The following SLC14A2 variants were observed in gnomAD, a reference collection of about 807,000 sequenced individuals.
The protein encoded by SLC14A2 is urea transporter 2.
In SLC14A2, 91 loss-of-function variants were observed where a neutral mutation model predicts 104.6. The observed-to-expected ratio is 0.87, with a 90% confidence interval of 0.73 to 1.04. SLC14A2 has a LOEUF of 1.04. SLC14A2 is among the 50% of genes least tolerant of loss of function. The pLI is 0.00. For missense variants in SLC14A2, 1,189 were observed against 1,156.0 expected (o/e 1.03, Z -0.41); for synonymous variants, 476 against 466.4 (o/e 1.02, Z -0.27).
At position 45,250,730 on chromosome 18, in the gene SLC14A2, G is replaced by C. The variant is rs563687167; in HGVS notation, c.-125+37539G>C. Reference sequence around the variant, plus strand: ...ATGTTCCTGTACTTGTCTTACAACTGAATCCTCTGGCTAGTGGCTTCTTCC... The same window carrying C: ...ATGTTCCTGTACTTGTCTTACAACTCAATCCTCTGGCTAGTGGCTTCTTCC... On this transcript the variant is annotated intron_variant, in intron 1 of 20. Coordinates refer to the SLC14A2 transcript ENST00000586448. 1.9e-4 allele frequency among the ~76,000 whole-genome samples: 27 copies of C among 144,084 alleles called. 1 individual carries two copies. In the South Asian group the frequency reaches 6.0e-3, roughly 32 times the overall value. 94.5% of individuals were successfully genotyped at this position (144,084 alleles called of 152,430 possible).
At chr18:45,250,720 T>C (rs879454706) in intron 1 of SLC14A2, among the ~76,000 whole-genome samples, 4 of 150,278 alleles carry the variant, frequency 2.7e-5, no homozygotes, top group Non-Finnish European at 4.4e-5. Flanking sequence ...CCTGTACTTG[T>C]CTTACAACTG....
intron 2 of SLC14A2, among the ~76,000 whole-genome samples, chr18:45,531,059 A>G (rs927792916): frequency 5.3e-5 from 8 of 152,288 alleles, no homozygotes; most frequent in African/African-American, 1.9e-4. Flanking sequence ...ATAGTATTCC[A>G]TGGTGTATAT....
chr18:45,272,881 C>T (rs1198393692), intron 1 of SLC14A2, among the ~76,000 whole-genome samples: 3 of 152,062 alleles, frequency 2.0e-5, no homozygotes, highest in Admixed American at 1.3e-4. Flanking sequence ...CAAATATATG[C>T]ACCTACTGTG....
intron 1 of SLC14A2, among the ~76,000 whole-genome samples, chr18:45,456,453 C>A (rs1462366579): frequency 6.6e-6 from 1 of 152,234 alleles, no homozygotes; most frequent in Admixed American, 6.5e-5. Flanking sequence ...AGGAGTCCAG[C>A]CTTACACCTC....
At position 45,246,666 on chromosome 18, in the gene SLC14A2, G is replaced by A. The variant is rs142908676; in HGVS notation, c.-125+33475G>A. 1.2e-3 allele frequency among the ~76,000 whole-genome samples: 184 copies of A among 152,032 alleles called. 1 individual carries two copies. Among genetic ancestry groups the A allele is most frequent in the Middle Eastern group, 6.8e-3 (2 of 294 alleles). Reference sequence around the variant, plus strand: ...TGGCTCACTGCAACCTCCGCCTCCCGGGTTCAAACAATTCTCTTGCCTCAG... The same window carrying A: ...TGGCTCACTGCAACCTCCGCCTCCCAGGTTCAAACAATTCTCTTGCCTCAG... On this transcript the variant is annotated intron_variant, in intron 1 of 20. Coordinates refer to the SLC14A2 transcript ENST00000586448.
At chr18:45,571,199 C>G (rs1475410554) in intron 2 of SLC14A2, among the ~76,000 whole-genome samples, 1 of 152,178 alleles carries the variant, frequency 6.6e-6, no homozygotes, top group Non-Finnish European at 1.5e-5. Flanking sequence ...ACACACAATC[C>G]ATAAATAACG....
intron 1 of SLC14A2, among the ~76,000 whole-genome samples, chr18:45,481,545 A>C (rs1209085483): frequency 6.6e-6 from 1 of 152,156 alleles, no homozygotes; most frequent in Non-Finnish European, 1.5e-5. Flanking sequence ...ACTCTTCCCC[A>C]ACAGTAAGGG....
At chr18:45,679,153 C>T (rs1054094540) in intron 19 of SLC14A2, 129 bp downstream of exon 19, 86 of 825,908 alleles carry the variant, frequency 1.0e-4, no homozygotes, top group Non-Finnish European at 1.6e-4. Flanking sequence ...TTTCAAGTCA[C>T]ACTACTCACT....
intron 1 of SLC14A2, among the ~76,000 whole-genome samples, chr18:45,461,482 C>T (rs771937950): frequency 2.2e-4 from 33 of 152,300 alleles, no homozygotes; most frequent in Non-Finnish European, 3.5e-4. Flanking sequence ...TCCTTAGAAC[C>T]TCATCTATTT....
At chr18:45,583,682 T>C (rs144817563) in intron 2 of SLC14A2, among the ~76,000 whole-genome samples, 143 of 152,048 alleles carry the variant, frequency 9.4e-4, no homozygotes, top group Non-Finnish European at 1.7e-3. Flanking sequence ...AAATAAAACA[T>C]ATAGAATAGC....
chr18:45,465,307 TAAAAG>T (rs1368863699), intron 1 of SLC14A2, among the ~76,000 whole-genome samples: 2 of 151,960 alleles, frequency 1.3e-5, no homozygotes, highest in African/African-American at 2.4e-5. Context: ...GAGGGGAAAA[TAAAAG>T]AAAGCACCCA....
At chr18:45,278,288 C>T (rs2084724698) in intron 1 of SLC14A2, among the ~76,000 whole-genome samples, 1 of 152,158 alleles carries the variant, frequency 6.6e-6, no homozygotes, top group Non-Finnish European at 1.5e-5. Context: ...AATATCGACA[C>T]TACTGATATT....
At chr18:45,169,832 T>C in the SLC14A2 span, among the ~76,000 whole-genome samples, 1 of 152,150 alleles carries the variant, frequency 6.6e-6, no homozygotes, top group African/African-American at 2.4e-5. Flanking sequence ...TCTTTCCACT[T>C]GCACCATCAG....
At chr18:45,418,233 C>T (rs997416523) in intron 1 of SLC14A2, among the ~76,000 whole-genome samples, 2 of 152,184 alleles carry the variant, frequency 1.3e-5, no homozygotes, top group African/African-American at 2.4e-5. Flanking sequence ...TGATTCTTAT[C>T]CTCTGGGTAC....
chr18:45,339,079 G>A (rs2085367035), intron 1 of SLC14A2, among the ~76,000 whole-genome samples: 1 of 152,098 alleles, frequency 6.6e-6, no homozygotes, highest in South Asian at 2.1e-4. Flanking sequence ...TGGGATTACA[G>A]GTGTGTGCCA....
chr18:45,464,293 G>A (rs548627977), intron 1 of SLC14A2, among the ~76,000 whole-genome samples: 1 of 152,292 alleles, frequency 6.6e-6, no homozygotes, highest in African/African-American at 2.4e-5. Flanking sequence ...GAGATAAATG[G>A]TTTGGATTAA....
At chr18:45,303,137 A>G (rs1320888852) in intron 1 of SLC14A2, among the ~76,000 whole-genome samples, 1 of 152,244 alleles carries the variant, frequency 6.6e-6, no homozygotes, top group Non-Finnish European at 1.5e-5. Flanking sequence ...CAGCAGATTC[A>G]CAGAGACTCC....
At chr18:45,589,148 C>T (rs941457276) in intron 2 of SLC14A2, among the ~76,000 whole-genome samples, 5 of 152,182 alleles carry the variant, frequency 3.3e-5, no homozygotes, top group Admixed American at 2.6e-4. Context: ...TCGGCGGCCT[C>T]GGCCAGGACT....
intron 1 of SLC14A2, among the ~76,000 whole-genome samples, chr18:45,443,594 G>A (rs561280634): frequency 4.2e-4 from 64 of 152,230 alleles, no homozygotes; most frequent in African/African-American, 1.5e-3. Context: ...GGAAGAGTTA[G>A]AGTAATCTTT....
Sources: gnomAD v4.1 joint callset for allele counts (sites outside exome capture counted in the v4.1 genomes callset) on GRCh38, gnomAD v4.1.1 for gene constraint, MANE v1.5 for transcripts, NCBI Gene and HGNC (gene_info 2026-07-23, HGNC 2026-07-21) for gene names.